Variants in DCC observed in about 807,000 individuals in gnomAD.
DCC encodes DCC netrin 1 receptor.
In DCC, 58 loss-of-function variants were observed where a neutral mutation model predicts 172.5. That is an observed-to-expected ratio of 0.34 (90% CI 0.27 to 0.42). DCC has a LOEUF of 0.42. Among genes scored for constraint, DCC ranks in the 10% least tolerant of loss-of-function variants. The probability of loss-of-function intolerance (pLI) is 1.00; values close to 1 mark genes in which losing one functional copy is unlikely to be tolerated. For synonymous variants in DCC, 709 were observed against 644.5 expected, an observed-to-expected ratio of 1.10 and a Z score of -1.52; for missense variants, 1,740 against 1,791.0, an observed-to-expected ratio of 0.97 and a Z score of 0.51.
intron 26 of DCC, among the ~76,000 whole-genome samples, chr18:53,488,878 G>T (rs765863772): frequency 9.9e-5 from 15 of 152,148 alleles, no homozygotes; most frequent in Non-Finnish European, 2.2e-4. Context: ...AATTGATTGG[G>T]CCAGGCGAGG....
chr18:53,091,859 C>CTATA (rs35776447), intron 7 of DCC, among the ~76,000 whole-genome samples: 33 of 141,106 alleles, frequency 2.3e-4, no homozygotes, highest in African/African-American at 9.1e-4. Flanking sequence ...ATCAATCTAT[C>CTATA]TATATATATA....
intron 12 of DCC, among the ~76,000 whole-genome samples, chr18:53,265,027 C>T (rs928484469): frequency 6.6e-6 from 1 of 152,024 alleles, no homozygotes; most frequent in African/African-American, 2.4e-5. Flanking sequence ...CAGTATGTGC[C>T]CAGAAGTGAG....
intron 1 of DCC, among the ~76,000 whole-genome samples, chr18:52,384,745 G>T (rs577829238): frequency 6.6e-6 from 1 of 152,178 alleles, no homozygotes; most frequent in South Asian, 2.1e-4. Context: ...TAGCAGAATT[G>T]CATGACAATT....
At chr18:53,351,401 GTATATATA>G (rs1216427865) in intron 15 of DCC, among the ~76,000 whole-genome samples, 3 of 11,942 alleles carry the variant, frequency 2.5e-4, no homozygotes, top group African/African-American at 7.1e-4. Context: ...TATATACAGT[GTATATATA>G]TATATATACA....
At chr18:53,481,952 G>A (rs115053584) in intron 25 of DCC, among the ~76,000 whole-genome samples, 9 of 152,186 alleles carry the variant, frequency 5.9e-5, no homozygotes, top group South Asian at 2.1e-4. Context: ...ATATTTTGCC[G>A]CAGAGCAGAG....
chr18:53,207,626 T>C, intron 10 of DCC, 53 bp from the exon 11 acceptor site: 1 of 1,544,336 alleles, frequency 6.5e-7, no homozygotes. Flanking sequence ...ATGAGTGCCA[T>C]TTCTACTTTA....
intron 9 of DCC, 102 bp from the exon 10 acceptor site, chr18:53,205,114 G>A: frequency 2.3e-6 from 2 of 884,466 alleles, no homozygotes. Context: ...CATACTCCTA[G>A]AATTTTATTG....
intron 8 of DCC, among the ~76,000 whole-genome samples, chr18:53,166,850 T>G (rs1447411111): frequency 6.6e-6 from 1 of 152,208 alleles, no homozygotes; most frequent in Non-Finnish European, 1.5e-5. Context: ...CTCTCTAAGA[T>G]AGCATTGATT....
chr18:53,137,940 C>G (rs1394578348), intron 7 of DCC, among the ~76,000 whole-genome samples: 1 of 151,838 alleles, frequency 6.6e-6, no homozygotes, highest in Admixed American at 6.6e-5. Context: ...CTCAGCTTCC[C>G]CAGTAGCTGG....
In DCC at chr18:53,425,402, C is replaced by T. The variant is rs527570746; in HGVS notation, c.3163+9246C>T. On this transcript the variant is annotated intron_variant, in intron 21 of 28. Transcript: ENST00000442544. Reference sequence around the variant, plus strand: ...TGAGACAGAGTCTCACTCTCTCACCCGGGCTGGAGTGCAGTGGCATGATCT... The same window carrying T: ...TGAGACAGAGTCTCACTCTCTCACCTGGGCTGGAGTGCAGTGGCATGATCT... Among the ~76,000 whole-genome samples the T allele has an allele frequency of 3.7e-4, 53 of 143,384 alleles. No homozygotes were observed. In the South Asian group the frequency reaches 0.011, roughly 28 times the overall value. 94.1% of individuals were successfully genotyped at this position (143,384 alleles called of 152,430 possible).
At chr18:52,622,167 T>A (rs1490916547) in intron 1 of DCC, among the ~76,000 whole-genome samples, 1 of 152,154 alleles carries the variant, frequency 6.6e-6, no homozygotes, top group African/African-American at 2.4e-5. Flanking sequence ...ATAATTTAAT[T>A]TCTGCCACCA....
In DCC at chr18:53,066,379, A is replaced by G. The variant is rs367953077; in HGVS notation, c.1261+213A>G. Reference sequence around the variant, plus strand: ...TATATATATATATATATATATATATATATATATATATATATATATGTGCAT... The same window carrying G: ...TATATATATATATATATATATATATGTATATATATATATATATATGTGCAT... On this transcript the variant is annotated intron_variant, in intron 7 of 28. Coordinates refer to ENST00000442544, the MANE Select transcript of DCC (RefSeq NM_005215.4). Among the ~76,000 whole-genome samples, 32 of 62,624 alleles carry G rather than the reference A, an allele frequency of 5.1e-4. 1 individual carries two copies. Among genetic ancestry groups the G allele is most frequent in the Admixed American group, 7.3e-4 (6 of 8,256 alleles). The allele number at this position is 62,624 out of a possible 152,430, so 41.1% of individuals were successfully genotyped here.
At chr18:52,973,534 A>G (rs1377011615) in intron 5 of DCC, among the ~76,000 whole-genome samples, 3 of 152,082 alleles carry the variant, frequency 2.0e-5, no homozygotes, top group African/African-American at 7.2e-5. Flanking sequence ...TCATTTCCAG[A>G]GCTCCAACTC....
At chr18:52,908,037 G>C (rs547402499) in intron 3 of DCC, among the ~76,000 whole-genome samples, 44 of 152,242 alleles carry the variant, frequency 2.9e-4, no homozygotes, top group Admixed American at 1.8e-3. Context: ...GACTGACTTA[G>C]ACGCTCTTGT....
At chr18:52,376,167 G>A (rs987119712) in intron 1 of DCC, among the ~76,000 whole-genome samples, 1 of 152,130 alleles carries the variant, frequency 6.6e-6, no homozygotes, top group Non-Finnish European at 1.5e-5. Context: ...ACTCTGGATT[G>A]TAAGCCTTAT....
chr18:52,525,879 T>G (rs753871384), intron 1 of DCC, among the ~76,000 whole-genome samples: 1 of 152,206 alleles, frequency 6.6e-6, no homozygotes, highest in Non-Finnish European at 1.5e-5. Flanking sequence ...ATTTGAGTTA[T>G]GTTATCTTTG....
chr18:53,305,959 A>C (rs2057195785), intron 13 of DCC, among the ~76,000 whole-genome samples: 2 of 152,316 alleles, frequency 1.3e-5, no homozygotes, highest in South Asian at 4.1e-4. Context: ...TTTTATTCAT[A>C]CTAGTTTCTC....
At chr18:53,437,709 A>G (rs1044729993) in intron 22 of DCC, among the ~76,000 whole-genome samples, 1 of 151,784 alleles carries the variant, frequency 6.6e-6, no homozygotes, top group Non-Finnish European at 1.5e-5. Flanking sequence ...CCCTCCTCCC[A>G]ACTTTGCAAT....
intron 25 of DCC, among the ~76,000 whole-genome samples, chr18:53,468,549 A>AT (rs2045655715): frequency 6.6e-6 from 1 of 151,676 alleles, no homozygotes; most frequent in South Asian, 2.1e-4. Flanking sequence ...TGCCCAGCTA[A>AT]TTTTTCTATT....
Sources: gnomAD v4.1 joint callset for allele counts (sites outside exome capture counted in the v4.1 genomes callset) on GRCh38, gnomAD v4.1.1 for gene constraint, MANE v1.5 for transcripts, NCBI Gene and HGNC (gene_info 2026-07-23, HGNC 2026-07-21) for gene names.